DZIP1L: variants seen among roughly 807,000 people sequenced by gnomAD.
The protein encoded by DZIP1L is cilium assembly protein DZIP1L.
A neutral mutation model predicts 88.7 loss-of-function variants in DZIP1L; 90 were observed. That is an observed-to-expected ratio of 1.02 (90% CI 0.86 to 1.21). DZIP1L has a LOEUF of 1.21. Ranked by LOEUF, DZIP1L falls within the 50% of genes most tolerant of loss-of-function variation. The probability of loss-of-function intolerance (pLI) is 0.00; values close to 1 mark genes in which losing one functional copy is unlikely to be tolerated. For missense variants in DZIP1L, 932 were observed against 955.8 expected (o/e 0.98, Z 0.33); for synonymous variants, 363 against 372.1 (o/e 0.98, Z 0.28).
chr3:138,114,131 G>C (rs1036817666), intron 1 of DZIP1L, among the ~76,000 whole-genome samples: 3 of 152,138 alleles, frequency 2.0e-5, no homozygotes, highest in Non-Finnish European at 4.4e-5. Flanking sequence ...AGAACTACTA[G>C]AGCTGCCAGG....
rs138820924 is a variant in DZIP1L, at chr3:138,077,616, C to T, written c.1305G>A (p.Gln435=). 5.0e-6 allele frequency: 8 copies of T among 1,614,038 alleles called. No homozygotes were observed. In the African/African-American group the frequency reaches 9.3e-5, roughly 19 times the overall value. The change falls in exon 11 of 16, where the codon CAG becomes CAA. Residue 435 remains glutamine, a synonymous_variant. Transcript: ENST00000327532. The part of the protein sequence containing the change: ...DSPEEEMEDS[Q]DEQHKVLAAL... ...CTGCCAGCACCTTGTGCTGTTCATC[C>T]TGGGAGTCCTCCATCTCTGTAGCAT...
At chr3:138,075,243 T>A (rs1943351431) in intron 11 of DZIP1L, among the ~76,000 whole-genome samples, 1 of 152,106 alleles carries the variant, frequency 6.6e-6, no homozygotes, top group Non-Finnish European at 1.5e-5. Flanking sequence ...ACTAGACAGG[T>A]CATCAAGACA....
At chr3:138,083,807 T>C (rs145276639) in intron 8 of DZIP1L, among the ~76,000 whole-genome samples, 384 of 152,230 alleles carry the variant, frequency 2.5e-3, no homozygotes, top group Middle Eastern at 0.02. Flanking sequence ...CCTTGAAGGA[T>C]AGTAGTGAGG....
intron 8 of DZIP1L, among the ~76,000 whole-genome samples, chr3:138,082,534 G>T (rs1158127905): frequency 6.6e-6 from 1 of 152,202 alleles, no homozygotes; most frequent in African/African-American, 2.4e-5. Context: ...GAAAACTGAT[G>T]ACCACATTCA....
chr3:138,084,673 T>C (rs557997260), intron 7 of DZIP1L, among the ~76,000 whole-genome samples: 1 of 152,292 alleles, frequency 6.6e-6, no homozygotes, highest in South Asian at 2.1e-4. Flanking sequence ...AAGAAAGCCA[T>C]AAAAGTCACC....
At position 138,071,784 on chromosome 3, in the gene DZIP1L, T is replaced by C; in HGVS notation, c.1474A>G (p.Arg492Gly). ...CGGGCCTTCTGCTCCCGCTGGACTC[T>C]CAGCAGGGATTCCAGGTGTCTGAGA... ...QTLRHLESLL[R>G]VQREQKARKF... The change falls in exon 12 of 16, where the codon AGA becomes GGA. Residue 492 changes from arginine to glycine, a missense_variant. Transcript: ENST00000327532. 1.2e-6 allele frequency: 2 copies of C among 1,614,156 alleles called. No individual in the cohort carries two copies. Among genetic ancestry groups the C allele is most frequent in the East Asian group, 4.5e-5 (2 of 44,870 alleles).
chr3:138,104,715 T>A (rs2042427809), intron 1 of DZIP1L, among the ~76,000 whole-genome samples: 1 of 152,138 alleles, frequency 6.6e-6, no homozygotes, highest in Admixed American at 6.5e-5. Context: ...CTTAAGAGAG[T>A]TACGGAGTCT....
chr3:138,089,318 G>A lies in DZIP1L; in HGVS notation c.871-811C>T, dbSNP rs754044413. On this transcript the variant is annotated intron_variant, in intron 5 of 15. Transcript: ENST00000327532. ...TTGATCAGATGTATGCACAACTCCC[G>A]GGTTCTAATGTGTCACTCCTGGTTT... 36 of 969,126 alleles carry A rather than the reference G, an allele frequency of 3.7e-5. No individual in the cohort carries two copies. The East Asian group carries it at 4.6e-4, about 12-fold the overall frequency. The allele number at this position is 969,126 out of a possible 1,614,324, so 60.0% of individuals were successfully genotyped here.
At chr3:138,111,464 G>A (rs963973671) in intron 1 of DZIP1L, among the ~76,000 whole-genome samples, 3 of 152,140 alleles carry the variant, frequency 2.0e-5, no homozygotes, top group East Asian at 1.9e-4. Context: ...CAGTGCCCAC[G>A]CTGACTGTCA....
intron 10 of DZIP1L, among the ~76,000 whole-genome samples, chr3:138,079,089 A>T (rs969372733): frequency 6.6e-5 from 10 of 152,220 alleles, no homozygotes; most frequent in African/African-American, 2.2e-4. Context: ...GCATTTCTAA[A>T]AAATTCCCAA....
chr3:138,112,105 G>A (rs1259667002), intron 1 of DZIP1L, among the ~76,000 whole-genome samples: 2 of 151,910 alleles, frequency 1.3e-5, no homozygotes, highest in Non-Finnish European at 2.9e-5. Context: ...CTATATGTCA[G>A]GCACTGTGCC....
intron 5 of DZIP1L, among the ~76,000 whole-genome samples, chr3:138,090,698 T>A (rs1290153801): frequency 6.6e-6 from 1 of 152,154 alleles, no homozygotes; most frequent in Non-Finnish European, 1.5e-5. Flanking sequence ...AAAAAAAATT[T>A]GCCTAGGTGC....
chr3:138,088,236 G>T, intron 6 of DZIP1L, 143 bp downstream of exon 6: 1 of 1,193,888 alleles, frequency 8.4e-7, no homozygotes, highest in Non-Finnish European at 1.1e-6. Flanking sequence ...CCTATTCTAT[G>T]CTTTCATGTA....
chr3:138,110,077 G>A (rs1188869369), intron 1 of DZIP1L, among the ~76,000 whole-genome samples: 1 of 152,122 alleles, frequency 6.6e-6, no homozygotes. Context: ...AGAACTTAAA[G>A]TAAAATTAAA....
chr3:138,084,216 G>A lies in DZIP1L; in HGVS notation c.1100C>T (p.Ser367Phe). 1 of 1,614,194 alleles carries A rather than the reference G, an allele frequency of 6.2e-7. No individual in the cohort carries two copies. The highest frequency in any genetic ancestry group is 8.5e-7 in the Non-Finnish European group (1 of 1,180,014). The change falls in exon 8 of 16, where the codon TCT becomes TTT. Residue 367 changes from serine (S) to phenylalanine (F), a missense_variant. Ser to Phe is a radical substitution (Grantham distance 155). Transcript: ENST00000327532. ...EENQRLQASL[S>F]QDQKKAAAQS... ...GGCAGCTGCCTTCTTCTGATCCTGA[G>A]ACAGGGAGGCCTGGAGCCTCTGGTT...
intron 2 of DZIP1L, among the ~76,000 whole-genome samples, chr3:138,099,485 G>A (rs752631835): frequency 6.6e-6 from 1 of 152,190 alleles, no homozygotes; most frequent in Non-Finnish European, 1.5e-5. Context: ...TTTGGTCTTA[G>A]AGATTCTGAG....
intron 1 of DZIP1L, among the ~76,000 whole-genome samples, chr3:138,106,046 G>A (rs914739853): frequency 1.3e-5 from 2 of 148,194 alleles, no homozygotes; most frequent in Non-Finnish European, 3.0e-5. Context: ...TTGCAGAAGT[G>A]AGAATCTGAC....
intron 2 of DZIP1L, chr3:138,102,319 C>T: frequency 7.5e-7 from 1 of 1,339,088 alleles, no homozygotes; most frequent in East Asian, 2.3e-5. Flanking sequence ...GCTTCATCCA[C>T]ATCTTTCTCG....
rs751105342 is a variant in DZIP1L, at chr3:138,077,487, C to A, written c.1422+12G>T. On this transcript the variant is annotated intron_variant, in intron 11 of 15. Transcript: ENST00000327532. ...AGGTATCAGCCCTTAAAACGATGGCCCTGAAACTCACCTTCCTTATCCCCA... is the reference window on the plus strand; with the variant it reads ...AGGTATCAGCCCTTAAAACGATGGCACTGAAACTCACCTTCCTTATCCCCA... 6 of 1,613,924 alleles carry A rather than the reference C, an allele frequency of 3.7e-6. No homozygotes were observed. The highest frequency in any genetic ancestry group is 5.1e-6 in the Non-Finnish European group (6 of 1,179,910).
Sources: allele counts gnomAD v4.1 joint callset (sites outside exome capture counted in the v4.1 genomes callset), GRCh38; gene constraint gnomAD v4.1.1; transcripts MANE v1.5; gene names NCBI Gene and HGNC (gene_info 2026-07-23, HGNC 2026-07-21).